Variants in SUPT3H observed in about 807,000 individuals in gnomAD.
The protein encoded by SUPT3H is SPT3 homolog, SAGA and STAGA complex component.
In SUPT3H, 44 loss-of-function variants were observed where a neutral mutation model predicts 44.3. That is an observed-to-expected ratio of 0.99 (90% CI 0.78 to 1.28). The LOEUF is 1.28. Among genes scored for constraint, SUPT3H ranks in the 50% most tolerant of loss-of-function variants. SUPT3H has a pLI of 0.00. For synonymous variants in SUPT3H, 124 were observed against 125.6 expected (o/e 0.99, Z 0.09); for missense variants, 380 against 387.1 (o/e 0.98, Z 0.15).
intron 2 of SUPT3H, among the ~76,000 whole-genome samples, chr6:45,186,894 CG>C (rs1256638543): frequency 2.0e-5 from 3 of 151,910 alleles, no homozygotes; most frequent in African/African-American, 7.3e-5. Flanking sequence ...ATGTTCCCTC[CG>C]GTTTATTACC....
At chr6:44,944,618 T>C (rs1041049488) in intron 9 of SUPT3H, among the ~76,000 whole-genome samples, 1 of 150,898 alleles carries the variant, frequency 6.6e-6, no homozygotes, top group East Asian at 1.9e-4. Context: ...AATAATTAGC[T>C]AGGCGTAGTG....
At chr6:45,048,221 C>CTTTTTTT (rs67557043) in intron 3 of SUPT3H, among the ~76,000 whole-genome samples, 5 of 88,182 alleles carry the variant, frequency 5.7e-5, no homozygotes, top group African/African-American at 1.9e-4. Flanking sequence ...TCTCTCTACT[C>CTTTTTTT]TTTTTTTTTT....
intron 2 of SUPT3H, among the ~76,000 whole-genome samples, chr6:45,264,079 C>T (rs775771661): frequency 1.4e-4 from 21 of 152,060 alleles, no homozygotes; most frequent in Non-Finnish European, 2.5e-4. Context: ...TTAAGTCAAA[C>T]ATTGTGGTGG....
At chr6:45,069,716 A>T (rs1794075935) in intron 3 of SUPT3H, among the ~76,000 whole-genome samples, 1 of 152,216 alleles carries the variant, frequency 6.6e-6, no homozygotes, top group South Asian at 2.1e-4. Context: ...AAATCCATAG[A>T]TTAACTCAAC....
At chr6:45,330,222 T>A (rs1787179441) in intron 2 of SUPT3H, among the ~76,000 whole-genome samples, 1 of 151,944 alleles carries the variant, frequency 6.6e-6, no homozygotes, top group East Asian at 1.9e-4. Flanking sequence ...TTTAAAATTT[T>A]AATGATGGGT....
At chr6:45,192,662 ACAAAG>A (rs1399483356) in intron 2 of SUPT3H, among the ~76,000 whole-genome samples, 28 of 152,120 alleles carry the variant, frequency 1.8e-4, no homozygotes, top group Admixed American at 1.8e-3. Flanking sequence ...TTATCATATA[ACAAAG>A]CAAAGATTCC....
At chr6:45,062,346 A>T (rs964541970) in intron 3 of SUPT3H, among the ~76,000 whole-genome samples, 20 of 152,212 alleles carry the variant, frequency 1.3e-4, no homozygotes, top group African/African-American at 4.8e-4. Flanking sequence ...GAGCATTATA[A>T]ATATCATAAA....
chr6:44,911,324 T>G (rs1473369880), intron 10 of SUPT3H, among the ~76,000 whole-genome samples: 1 of 152,160 alleles, frequency 6.6e-6, no homozygotes, highest in East Asian at 1.9e-4. Context: ...TATATTTAAT[T>G]AGGATGTTTT....
At chr6:45,173,730 T>A (rs75895924) in intron 2 of SUPT3H, among the ~76,000 whole-genome samples, 1 of 152,210 alleles carries the variant, frequency 6.6e-6, no homozygotes, top group East Asian at 1.9e-4. Flanking sequence ...AAAGGCCACA[T>A]ACATACTTCA....
At chr6:45,314,353 G>A (rs1784397172) in intron 2 of SUPT3H, among the ~76,000 whole-genome samples, 1 of 152,122 alleles carries the variant, frequency 6.6e-6, no homozygotes, top group Admixed American at 6.5e-5. Flanking sequence ...AAGTCAGACT[G>A]TTGCCGTTTG....
intron 10 of SUPT3H, among the ~76,000 whole-genome samples, chr6:44,890,013 C>T (rs1217891268): frequency 6.6e-6 from 1 of 151,336 alleles, no homozygotes; most frequent in African/African-American, 2.4e-5. Context: ...AAACAATGCT[C>T]ACCATCACTG....
intron 6 of SUPT3H, among the ~76,000 whole-genome samples, chr6:44,997,143 T>C (rs1166937759): frequency 3.7e-4 from 56 of 151,816 alleles, no homozygotes; most frequent in Admixed American, 3.7e-3. Context: ...GAAAATTTCT[T>C]GGCTATCCTA....
At chr6:45,025,144 C>G (rs1375232035) in intron 3 of SUPT3H, among the ~76,000 whole-genome samples, 1 of 152,118 alleles carries the variant, frequency 6.6e-6, no homozygotes, top group Non-Finnish European at 1.5e-5. Context: ...TAATATAGTA[C>G]TATAGTTAAA....
At chr6:45,154,124 T>C (rs141976142) in intron 2 of SUPT3H, among the ~76,000 whole-genome samples, 1 of 120,914 alleles carries the variant, frequency 8.3e-6, no homozygotes, top group Admixed American at 8.1e-5. Context: ...TAATTTCAAA[T>C]AAAGAAAATC....
chr6:44,992,199 G>A (rs1448165110), intron 6 of SUPT3H, among the ~76,000 whole-genome samples: 1 of 152,134 alleles, frequency 6.6e-6, no homozygotes, highest in East Asian at 1.9e-4. Context: ...CCCTTGAAAA[G>A]TATTTTTTAA....
At chr6:44,963,676 G>A (rs1321697350) in intron 6 of SUPT3H, among the ~76,000 whole-genome samples, 3 of 152,056 alleles carry the variant, frequency 2.0e-5, no homozygotes, top group Non-Finnish European at 4.4e-5. Context: ...GCAAGAAAGG[G>A]AGAATTTATT....
chr6:44,813,655 AT>A (rs1197937761), intron 11 of SUPT3H, among the ~76,000 whole-genome samples: 1,919 of 146,560 alleles, frequency 0.013, 25 homozygotes, highest in Non-Finnish European at 0.02. Flanking sequence ...TGGAACTGGA[AT>A]TTTTTTTTTT....
intron 2 of SUPT3H, among the ~76,000 whole-genome samples, chr6:45,251,515 T>C (rs1466300869): frequency 6.6e-6 from 1 of 152,104 alleles, no homozygotes; most frequent in Admixed American, 6.6e-5. Flanking sequence ...AAGAAATTTA[T>C]AGCTGTCAAT....
At chr6:44,991,037 C>T (rs559065689) in intron 6 of SUPT3H, among the ~76,000 whole-genome samples, 32 of 151,882 alleles carry the variant, frequency 2.1e-4, no homozygotes, top group Non-Finnish European at 3.7e-4. Context: ...AGCAGCTCAA[C>T]GAATCCATTA....
Sources: allele counts gnomAD v4.1 joint callset (sites outside exome capture counted in the v4.1 genomes callset), GRCh38; gene constraint gnomAD v4.1.1; transcripts MANE v1.5; gene names NCBI Gene and HGNC (gene_info 2026-07-23, HGNC 2026-07-21).